The following HSD17B3 variants were observed in gnomAD, a reference collection of about 807,000 sequenced individuals.
The protein encoded by HSD17B3 is hydroxysteroid 17-beta dehydrogenase 3.
A neutral mutation model predicts 41.1 loss-of-function variants in HSD17B3; 29 were observed. The ratio of observed to expected loss-of-function variants is 0.71; its 90% confidence interval spans 0.53 to 0.96. HSD17B3 has a LOEUF of 0.96. Among genes scored for constraint, HSD17B3 ranks in the 40% least tolerant of loss-of-function variants. The probability of loss-of-function intolerance (pLI) is 0.00; values close to 1 mark genes in which losing one functional copy is unlikely to be tolerated. For synonymous variants in HSD17B3, 126 were observed against 145.6 expected (o/e 0.87, Z 0.97); for missense variants, 323 against 374.6 (o/e 0.86, Z 1.14).
intron 2 of HSD17B3, among the ~76,000 whole-genome samples, chr9:96,255,562 G>A (rs1006561333): frequency 6.6e-6 from 1 of 151,540 alleles, no homozygotes; most frequent in South Asian, 2.1e-4. Context: ...GCTAATTTTT[G>A]TATTTTTAGT....
intron 9 of HSD17B3, 80 bp downstream of exon 9, chr9:96,244,249 C>A: frequency 7.1e-7 from 1 of 1,406,398 alleles, no homozygotes; most frequent in South Asian, 1.1e-5. Flanking sequence ...CACGGGAGGT[C>A]CAGAGTAACC....
intron 2 of HSD17B3, among the ~76,000 whole-genome samples, chr9:96,264,167 T>G (rs1825962056): frequency 1.3e-5 from 2 of 152,196 alleles, no homozygotes; most frequent in Non-Finnish European, 2.9e-5. Flanking sequence ...TAGGCATTTT[T>G]TGCAAACTGC....
intron 2 of HSD17B3, among the ~76,000 whole-genome samples, chr9:96,272,373 A>AGCTCTC (rs1554699247): frequency 4.5e-4 from 2 of 4,414 alleles, no homozygotes; most frequent in African/African-American, 1.3e-3. Context: ...GTAAGACTGC[A>AGCTCTC]TCTCTCTCTC....
At chr9:96,262,685 G>A (rs1241045483) in intron 2 of HSD17B3, among the ~76,000 whole-genome samples, 7 of 151,878 alleles carry the variant, frequency 4.6e-5, no homozygotes, top group Non-Finnish European at 8.8e-5. Context: ...AAGCAATCAC[G>A]GTTTTTGCCA....
intron 2 of HSD17B3, among the ~76,000 whole-genome samples, chr9:96,277,238 A>G (rs745384287): frequency 6.6e-6 from 1 of 152,084 alleles, no homozygotes; most frequent in African/African-American, 2.4e-5. Context: ...ACTAAAAAGC[A>G]TCTGTGCAGC....
intron 2 of HSD17B3, among the ~76,000 whole-genome samples, chr9:96,261,522 C>G (rs1564037964): frequency 6.6e-6 from 1 of 152,176 alleles, no homozygotes; most frequent in Admixed American, 6.5e-5. Flanking sequence ...AGCACAGAGA[C>G]CTTGGGGGAA....
intron 2 of HSD17B3, among the ~76,000 whole-genome samples, chr9:96,288,862 G>A (rs201781793): frequency 1.5e-4 from 23 of 151,836 alleles, no homozygotes; most frequent in African/African-American, 4.1e-4. Flanking sequence ...GCGTGAACCC[G>A]GGAGGCGGAG....
rs1396763277 is a variant in HSD17B3 at position 96,240,786 on chromosome 9, G to A, written c.794C>T (p.Thr265Ile). Residue 265 changes from threonine to isoleucine, a missense_variant, in exon 10 of 11, where the codon ACC (threonine) becomes ATC (isoleucine). By Grantham distance (89) the Thr-to-Ile change is moderately conservative. Coordinates refer to ENST00000375263, the MANE Select transcript of HSD17B3 (RefSeq NM_000197.2). ...SLNYVTIGGE[T>I]CGCLAHEILA... ...GATTTCATGGGCAAGGCAGCCACAG[G>A]TTTCACCTCCAATTGTGACATAATT... 1.2e-6 allele frequency: 2 copies of A among 1,614,166 alleles called. No homozygotes were observed. Among genetic ancestry groups the A allele is most frequent in the South Asian group, 1.1e-5 (1 of 91,080 alleles).
rs1051720396 is a variant in HSD17B3 at position 96,243,237 on chromosome 9, C to T, written c.672+1092G>A. ...AGACAGAGTTGCAGCATTACAAAAGCGAAACTCCAGCTTCAGCTGGGAGTG... is the reference window on the plus strand; with the variant it reads ...AGACAGAGTTGCAGCATTACAAAAGTGAAACTCCAGCTTCAGCTGGGAGTG... On this transcript the variant is annotated intron_variant, in intron 9 of 10. Transcript: ENST00000375263. 7.2e-5 allele frequency among the ~76,000 whole-genome samples: 11 copies of T among 152,308 alleles called. 1 individual carries two copies. The Middle Eastern group carries it at 0.017, about 235-fold the overall frequency.
intron 2 of HSD17B3, among the ~76,000 whole-genome samples, chr9:96,280,526 C>T (rs1162073611): frequency 6.6e-6 from 1 of 152,156 alleles, no homozygotes; most frequent in Non-Finnish European, 1.5e-5. Context: ...AAATAGCACA[C>T]TCAAACTGAG....
rs1297331883 is a variant in HSD17B3, at chr9:96,291,804, A to AC, written c.201+6611_201+6612insG. Among the ~76,000 whole-genome samples the AC allele has an allele frequency of 2.6e-5, 4 of 152,212 alleles. No individual in the cohort carries two copies. In the East Asian group the frequency reaches 5.8e-4, roughly 22 times the overall value. On this transcript the variant is annotated intron_variant, in intron 2 of 10. Transcript: ENST00000375263. ...AAACCCCGTCTCTATTAAAAATACA[A>AC]AAATTAGCTGGGCGTGGTGGTGGGC...
chr9:96,294,606 T>C (rs973479271), intron 2 of HSD17B3, among the ~76,000 whole-genome samples: 9 of 152,244 alleles, frequency 5.9e-5, no homozygotes, highest in African/African-American at 1.7e-4. Flanking sequence ...TCGTGAAGAA[T>C]TGCTTGGCAA....
intron 1 of HSD17B3, 113 bp from the exon 2 acceptor site, chr9:96,298,575 T>A: frequency 1.2e-6 from 1 of 867,194 alleles, no homozygotes; most frequent in Admixed American, 1.7e-5. Context: ...ACTCCAAAGG[T>A]TCATCCCTTT....
intron 2 of HSD17B3, among the ~76,000 whole-genome samples, chr9:96,255,758 C>A (rs1207456252): frequency 6.6e-6 from 1 of 152,182 alleles, no homozygotes. Context: ...CGACCTGAGA[C>A]CTTTCTTCCT....
intron 2 of HSD17B3, among the ~76,000 whole-genome samples, chr9:96,283,240 G>C (rs1427066950): frequency 6.6e-6 from 1 of 151,906 alleles, no homozygotes; most frequent in Non-Finnish European, 1.5e-5. Context: ...CCTGACCTCA[G>C]GTGATCCACC....
At chr9:96,252,672 T>A in intron 4 of HSD17B3, 131 bp downstream of exon 4, 1 of 712,084 alleles carries the variant, frequency 1.4e-6, no homozygotes, top group South Asian at 1.5e-5. Flanking sequence ...GATATTCAAC[T>A]TAATGGGACA....
At chr9:96,299,357 C>T (rs566980942) in intron 1 of HSD17B3, among the ~76,000 whole-genome samples, 1 of 152,240 alleles carries the variant, frequency 6.6e-6, no homozygotes, top group East Asian at 1.9e-4. Flanking sequence ...TGTGTCTGTT[C>T]GTTTAGGAAC....
intron 6 of HSD17B3, 21 bp downstream of exon 6, chr9:96,249,730 G>T (rs373938644): frequency 6.2e-7 from 1 of 1,611,212 alleles, no homozygotes; most frequent in African/African-American, 1.3e-5. Flanking sequence ...AATGCATTTC[G>T]CACATATATT....
At chr9:96,287,825 A>G (rs1341450569) in intron 2 of HSD17B3, among the ~76,000 whole-genome samples, 1 of 152,054 alleles carries the variant, frequency 6.6e-6, no homozygotes, top group Non-Finnish European at 1.5e-5. Context: ...TGTCCACACA[A>G]AAACTCAAGT....
Sources: gnomAD v4.1 joint callset for allele counts (sites outside exome capture counted in the v4.1 genomes callset) on GRCh38, gnomAD v4.1.1 for gene constraint, MANE v1.5 for transcripts, NCBI Gene and HGNC (gene_info 2026-07-23, HGNC 2026-07-21) for gene names.